The following TFB2M variants were observed in gnomAD, a reference collection of about 807,000 sequenced individuals.
The protein encoded by TFB2M is transcription factor B2, mitochondrial.
A neutral mutation model predicts 41.3 loss-of-function variants in TFB2M; 44 were observed. That is an observed-to-expected ratio of 1.07 (90% confidence interval 0.84 to 1.37). The LOEUF is 1.37. Ranked by LOEUF, TFB2M falls within the 40% of genes most tolerant of loss-of-function variation. The pLI is 0.00. For missense variants in TFB2M, 496 were observed against 490.2 expected, an observed-to-expected ratio of 1.01 and a Z score of -0.11; for synonymous variants, 188 against 176.8, an observed-to-expected ratio of 1.06 and a Z score of -0.50.
chr1:246,566,200 G>C lies in TFB2M; in HGVS notation c.-62C>G. ...GTGCAGCTACTACAGTGAACCCCAC[G>C]CAGGGTATCCCACGTGGAACATTTT... On this transcript the variant is annotated 5_prime_UTR_variant, in exon 1 of 8. Coordinates refer to ENST00000366514, the MANE Select transcript of TFB2M (RefSeq NM_022366.3). 6.6e-7 allele frequency: 1 copy of C among 1,522,188 alleles called. No homozygotes were observed. The highest frequency in any genetic ancestry group is 8.9e-7 in the Non-Finnish European group (1 of 1,121,500). The allele number at this position is 1,522,188 out of a possible 1,614,324, so 94.3% of individuals were successfully genotyped here.
chr1:246,548,210 C>T (rs531841973), intron 6 of TFB2M, among the ~76,000 whole-genome samples: 1 of 152,168 alleles, frequency 6.6e-6, no homozygotes, highest in African/African-American at 2.4e-5. Context: ...TCGATTAATA[C>T]GTCATAAAAT....
At chr1:246,562,144 GAATT>G (rs1419958126) in intron 2 of TFB2M, among the ~76,000 whole-genome samples, 4 of 152,014 alleles carry the variant, frequency 2.6e-5, no homozygotes, top group Non-Finnish European at 5.9e-5. Flanking sequence ...AGTTTTAAAA[GAATT>G]AAACAACTGG....
intron 6 of TFB2M, among the ~76,000 whole-genome samples, chr1:246,548,254 A>G (rs3124130): frequency 0.62 from 93,797 of 152,048 alleles, 30,956 homozygotes; most frequent in Middle Eastern, 0.78. Flanking sequence ...GATAAATATT[A>G]AAATGATTTT....
At chr1:246,553,322 C>T (rs546845924) in intron 4 of TFB2M, among the ~76,000 whole-genome samples, 13 of 152,266 alleles carry the variant, frequency 8.5e-5, no homozygotes, top group Non-Finnish European at 1.6e-4. Context: ...ATTCGAAAAA[C>T]AATTCCATTT....
chr1:246,552,345 A>G (rs10465617), intron 4 of TFB2M, among the ~76,000 whole-genome samples: 53,174 of 152,106 alleles, frequency 0.35, 9,839 homozygotes, highest in East Asian at 0.67. Flanking sequence ...CAGAAAAGAA[A>G]GATGACACTC....
intron 6 of TFB2M, among the ~76,000 whole-genome samples, chr1:246,547,665 GTTT>G (rs67635747): frequency 0.072 from 10,344 of 144,598 alleles, 1,191 homozygotes; most frequent in African/African-American, 0.24. Flanking sequence ...CATTTAATTC[GTTT>G]TTTTTTTTTT....
At chr1:246,557,203 G>C (rs1407281321) in intron 3 of TFB2M, among the ~76,000 whole-genome samples, 178 bp downstream of exon 3, 2 of 152,112 alleles carry the variant, frequency 1.3e-5, no homozygotes, top group Non-Finnish European at 2.9e-5. Context: ...TGAACCTGGA[G>C]GCAGAGGGTC....
rs182340255 is a variant in TFB2M, at chr1:246,550,789, A to T, written c.795+424T>A. On this transcript the variant is annotated intron_variant, in intron 5 of 7. Coordinates refer to ENST00000366514, the MANE Select transcript of TFB2M (RefSeq NM_022366.3). Reference sequence around the variant, plus strand: ...TCCCAGCTACTCGGGAGGCCGAGGCAGGGGAATTGCTTGAATACAGGATGT... The same window carrying T: ...TCCCAGCTACTCGGGAGGCCGAGGCTGGGGAATTGCTTGAATACAGGATGT... Among the ~76,000 whole-genome samples the T allele has an allele frequency of 6.7e-3, 1,016 of 152,330 alleles. 7 individuals carry two copies. Among genetic ancestry groups the T allele is most frequent in the African/African-American group, 0.023 (959 of 41,582 alleles).
chr1:246,565,452 G>T (rs1445914271), intron 1 of TFB2M, among the ~76,000 whole-genome samples: 1 of 152,202 alleles, frequency 6.6e-6, no homozygotes, highest in Non-Finnish European at 1.5e-5. Context: ...AGTGGCTCAC[G>T]CCTCTAATCC....
chr1:246,560,750 A>AG lies in TFB2M; in HGVS notation c.403-3217_403-3216insC, dbSNP rs1024416256. Among the ~76,000 whole-genome samples the AG allele has an allele frequency of 1.3e-3, 200 of 152,312 alleles. 1 individual carries two copies. Among genetic ancestry groups the AG allele is most frequent in the African/African-American group, 4.6e-3 (191 of 41,572 alleles). On this transcript the variant is annotated intron_variant, in intron 2 of 7. Transcript: ENST00000366514. ...TAGGATTCAAAAACAGAATGGGAAA[A>AG]AACAGAGAAAAGGCAAGTAACCCTT...
At chr1:246,548,200 T>A (rs7530100) in intron 6 of TFB2M, among the ~76,000 whole-genome samples, 99,540 of 152,106 alleles carry the variant, frequency 0.65, 34,371 homozygotes, top group East Asian at 1. Context: ...AAATTTCTAA[T>A]CGATTAATAC....
intron 6 of TFB2M, among the ~76,000 whole-genome samples, chr1:246,547,764 T>C (rs944451690): frequency 3.5e-5 from 5 of 141,454 alleles, no homozygotes; most frequent in Non-Finnish European, 8.0e-5. Context: ...AAACTTTAGC[T>C]ACTTTATTAG....
intron 2 of TFB2M, among the ~76,000 whole-genome samples, chr1:246,561,142 G>C (rs1572092293): frequency 6.6e-6 from 1 of 152,226 alleles, no homozygotes; most frequent in East Asian, 1.9e-4. Flanking sequence ...TTTTCACTCT[G>C]GCAAACAGAT....
chr1:246,563,575 G>C (rs2102991490), intron 2 of TFB2M, among the ~76,000 whole-genome samples: 1 of 151,654 alleles, frequency 6.6e-6, no homozygotes, highest in Non-Finnish European at 1.5e-5. Context: ...TTGCACTCCA[G>C]CCTGGGTGAC....
rs1658950283 is a variant in TFB2M, at chr1:246,544,626, T to G, written c.914A>C (p.Gln305Pro). The change falls in exon 7 of 8, where the codon CAA becomes CCA. Residue 305 changes from glutamine (Q) to proline (P), a missense_variant. Gln to Pro is a moderately conservative substitution (Grantham distance 76). Coordinates refer to ENST00000366514, the MANE Select transcript of TFB2M (RefSeq NM_022366.3). ...KLYLIQMIPR[Q>P]NLFTKNLTPM... is the part of the protein sequence containing the mutation. ...TGTTAAGTTCTTGGTAAATAAATTT[T>G]GACGAGGAATCATTTGAATAAGATA... 1 of 1,608,658 alleles carries G rather than the reference T, an allele frequency of 6.2e-7. No homozygotes were observed. The highest frequency in any genetic ancestry group is 1.3e-5 in the African/African-American group (1 of 74,562).
At position 246,564,436 on chromosome 1, in the gene TFB2M, T is replaced by C. The variant is rs750224979; in HGVS notation, c.314-2A>G. 3 of 1,613,676 alleles carry C rather than the reference T, an allele frequency of 1.9e-6. No homozygotes were observed. Among genetic ancestry groups the C allele is most frequent in the Non-Finnish European group, 2.5e-6 (3 of 1,179,606 alleles). ...ATGCCTGAGTCAGGATTCCAGGACC[T>C]GGCACATTAACAGAACGAAAAGTTT... On this transcript the variant is annotated splice_acceptor_variant, in intron 1 of 7. Transcript: ENST00000366514. LOFTEE classifies it high-confidence loss of function.
chr1:246,542,046 A>G (rs1439926741), intron 7 of TFB2M, among the ~76,000 whole-genome samples: 1 of 152,108 alleles, frequency 6.6e-6, no homozygotes, highest in Non-Finnish European at 1.5e-5. Flanking sequence ...GGCATAGCCT[A>G]TTGCTCCAAG....
chr1:246,565,615 G>A (rs541453328), intron 1 of TFB2M, among the ~76,000 whole-genome samples: 1 of 152,338 alleles, frequency 6.6e-6, no homozygotes, highest in East Asian at 1.9e-4. Context: ...GGGAGGCTGA[G>A]GCAGGAGAAT....
In TFB2M at chr1:246,566,077, C is replaced by A; in HGVS notation, c.62G>T (p.Gly21Val). ...RLRLSALAGA[G>V]RFCILGSEAA... ...TTCAGACCCTAAAATGCAAAAGCGA[C>A]CAGCGCCCGCCAAGGCGGAGAGCCT... The change falls in exon 1 of 8, where the codon GGT becomes GTT. Residue 21 changes from glycine to valine, a missense_variant. Gly to Val is a moderately radical substitution (Grantham distance 109, BLOSUM62 -3). Transcript: ENST00000366514. 1 of 1,613,246 alleles carries A rather than the reference C, an allele frequency of 6.2e-7. No individual in the cohort carries two copies. Among genetic ancestry groups the A allele is most frequent in the Non-Finnish European group, 8.5e-7 (1 of 1,179,354 alleles).
Sources: allele counts gnomAD v4.1 joint callset (sites outside exome capture counted in the v4.1 genomes callset), GRCh38; gene constraint gnomAD v4.1.1; transcripts MANE v1.5; gene names NCBI Gene and HGNC (gene_info 2026-07-23, HGNC 2026-07-21).